The following UNC5D variants were observed in gnomAD, a reference collection of about 807,000 sequenced individuals.
UNC5D encodes unc-5 netrin receptor D.
In UNC5D, 39 loss-of-function variants were observed where a neutral mutation model predicts 105.4. The ratio of observed to expected loss-of-function variants is 0.37; its 90% CI spans 0.29 to 0.48. UNC5D has a LOEUF of 0.48. Among genes scored for constraint, UNC5D ranks in the 20% least tolerant of loss-of-function variants. The pLI, the probability that UNC5D is intolerant of heterozygous loss-of-function variation, is 0.98. For missense variants in UNC5D, 991 were observed against 1,202.4 expected, an observed-to-expected ratio of 0.82 and a Z score of 2.60; for synonymous variants, 452 against 450.4, an observed-to-expected ratio of 1.00 and a Z score of -0.04.
chr8:35,498,084 C>CAAAAAAAAAAAAAAAAA (rs58175711), intron 1 of UNC5D, among the ~76,000 whole-genome samples: 53 of 58,086 alleles, frequency 9.1e-4, no homozygotes, highest in Non-Finnish European at 1.7e-3. Flanking sequence ...CAAAACAAAA[C>CAAAAAAAAAAAAAAAAA]AAAAAAAAAA....
chr8:35,359,284 T>C (rs1197536559), intron 1 of UNC5D, among the ~76,000 whole-genome samples: 3 of 152,266 alleles, frequency 2.0e-5, no homozygotes, highest in Admixed American at 1.3e-4. Flanking sequence ...TGTGACCGTG[T>C]GGCTTCTTTT....
At chr8:35,423,173 T>C (rs1326636095) in intron 1 of UNC5D, among the ~76,000 whole-genome samples, 6 of 152,208 alleles carry the variant, frequency 3.9e-5, no homozygotes, top group Non-Finnish European at 8.8e-5. Context: ...TATAGTTCAG[T>C]TGGTGAGGAG....
intron 4 of UNC5D, among the ~76,000 whole-genome samples, chr8:35,664,117 G>C (rs1273104812): frequency 3.3e-5 from 5 of 152,130 alleles, no homozygotes; most frequent in Non-Finnish European, 7.4e-5. Flanking sequence ...ACAATCTAAA[G>C]TCAGATATAT....
At chr8:35,462,526 T>C (rs1445295932) in intron 1 of UNC5D, among the ~76,000 whole-genome samples, 1 of 152,234 alleles carries the variant, frequency 6.6e-6, no homozygotes, top group East Asian at 1.9e-4. Context: ...GATACTCTGC[T>C]GAATTCTCTT....
chr8:35,615,641 T>G (rs1295205669), intron 4 of UNC5D, among the ~76,000 whole-genome samples: 1 of 152,204 alleles, frequency 6.6e-6, no homozygotes, highest in Non-Finnish European at 1.5e-5. Flanking sequence ...TTTTCCCTCC[T>G]AAAGGCTTTT....
At chr8:35,299,947 T>C (rs72633534) in intron 1 of UNC5D, among the ~76,000 whole-genome samples, 1 of 152,264 alleles carries the variant, frequency 6.6e-6, no homozygotes, top group Non-Finnish European at 1.5e-5. Flanking sequence ...GAGATATTCC[T>C]TACTTAATAA....
At chr8:35,369,082 T>C (rs1168522198) in intron 1 of UNC5D, among the ~76,000 whole-genome samples, 2 of 152,216 alleles carry the variant, frequency 1.3e-5, no homozygotes, top group Non-Finnish European at 2.9e-5. Context: ...ACTGTATGTA[T>C]TATAGATAAT....
rs191329821 is a variant in UNC5D at position 35,628,748 on chromosome 8, A to G, written c.570+33091A>G. ...TAAAAAGAAAAGCTTGTTAGCATAG[A>G]CACTCTGAGCAGTTAGTTTAATGCT... is the stretch of plus-strand genomic sequence containing the variant. On this transcript the variant is annotated intron_variant, in intron 4 of 16. Coordinates refer to ENST00000404895, the MANE Select transcript of UNC5D (RefSeq NM_080872.4). Among the ~76,000 whole-genome samples, 84 of 152,284 alleles carry G rather than the reference A, an allele frequency of 5.5e-4. 2 individuals carry two copies. The East Asian group carries it at 0.014, about 25-fold the overall frequency.
intron 1 of UNC5D, among the ~76,000 whole-genome samples, chr8:35,420,613 G>C (rs1352121443): frequency 6.6e-6 from 1 of 152,184 alleles, no homozygotes; most frequent in Non-Finnish European, 1.5e-5. Flanking sequence ...AAAGACACCA[G>C]TTCCCTCTAG....
rs142099173 is a variant in UNC5D, at chr8:35,309,777, T to G, written c.103+73890T>G. 9.8e-3 allele frequency among the ~76,000 whole-genome samples: 1,491 copies of G among 152,266 alleles called. 13 individuals are homozygous for G. Among genetic ancestry groups the G allele is most frequent in the Admixed American group, 0.015 (227 of 15,286 alleles). On this transcript the variant is annotated intron_variant, in intron 1 of 16. Transcript: ENST00000404895. Reference sequence around the variant, plus strand: ...TAGGGAACTTATTTAAAATGCAGATTCCAAGGTTCTATCTCCCAGAAATTG... The same window carrying G: ...TAGGGAACTTATTTAAAATGCAGATGCCAAGGTTCTATCTCCCAGAAATTG...
intron 2 of UNC5D, among the ~76,000 whole-genome samples, chr8:35,559,609 C>G (rs1005335591): frequency 1.3e-5 from 2 of 152,234 alleles, no homozygotes; most frequent in African/African-American, 4.8e-5. Flanking sequence ...TGGCATGGTA[C>G]TGAATGTTAA....
At chr8:35,407,212 A>G (rs567962334) in intron 1 of UNC5D, among the ~76,000 whole-genome samples, 4 of 152,146 alleles carry the variant, frequency 2.6e-5, no homozygotes, top group Non-Finnish European at 4.4e-5. Flanking sequence ...GGTGTGAAGT[A>G]GACAACAATA....
chr8:35,683,513 T>C, intron 4 of UNC5D, 34 bp from the exon 5 acceptor site: 1 of 1,540,046 alleles, frequency 6.5e-7, no homozygotes, highest in Non-Finnish European at 8.7e-7. Flanking sequence ...TCTGATTTTT[T>C]TAGTGACTTG....
chr8:35,303,002 A>G (rs1808073737), intron 1 of UNC5D, among the ~76,000 whole-genome samples: 1 of 152,148 alleles, frequency 6.6e-6, no homozygotes, highest in Admixed American at 6.6e-5. Context: ...ACAATAAAAA[A>G]GAGAAAAAGA....
chr8:35,547,486 A>G (rs1173236528), intron 1 of UNC5D, among the ~76,000 whole-genome samples: 1 of 152,024 alleles, frequency 6.6e-6, no homozygotes, highest in East Asian at 1.9e-4. Flanking sequence ...TTTAGTAGAG[A>G]CAGGGATTTG....
chr8:35,602,356 A>T (rs1373215001), intron 4 of UNC5D, among the ~76,000 whole-genome samples: 2 of 152,146 alleles, frequency 1.3e-5, no homozygotes, highest in African/African-American at 4.8e-5. Context: ...ATTGATTGGA[A>T]TAGTTTCAGA....
At chr8:35,433,248 T>C (rs955677417) in intron 1 of UNC5D, among the ~76,000 whole-genome samples, 1 of 152,190 alleles carries the variant, frequency 6.6e-6, no homozygotes, top group African/African-American at 2.4e-5. Context: ...AGGAGATAGA[T>C]CTACCTGGCA....
chr8:35,347,750 C>T (rs1040568432), intron 1 of UNC5D, among the ~76,000 whole-genome samples: 1 of 151,970 alleles, frequency 6.6e-6, no homozygotes, highest in South Asian at 2.1e-4. Flanking sequence ...CTTTGTACTT[C>T]ATGAGTGTAT....
At chr8:35,675,600 C>T (rs1369696943) in intron 4 of UNC5D, among the ~76,000 whole-genome samples, 1 of 151,858 alleles carries the variant, frequency 6.6e-6, no homozygotes, top group African/African-American at 2.4e-5. Context: ...AGCACATGGT[C>T]GATGATATCA....
Sources: gnomAD v4.1 joint callset for allele counts (sites outside exome capture counted in the v4.1 genomes callset) on GRCh38, gnomAD v4.1.1 for gene constraint, MANE v1.5 for transcripts, NCBI Gene and HGNC (gene_info 2026-07-23, HGNC 2026-07-21) for gene names.